GFRA1: variants seen among roughly 807,000 people sequenced by gnomAD.
The protein encoded by GFRA1 is GDNF family receptor alpha 1, also known as GDNF family receptor alpha-1.
Under a neutral mutation model 51.6 loss-of-function variants are expected in GFRA1, and 16 were observed. That is an observed-to-expected ratio of 0.31 (90% CI 0.21 to 0.47). The LOEUF (loss-of-function observed/expected upper bound fraction) is 0.47, where lower values mean the gene tolerates loss of function less well. Among genes scored for constraint, GFRA1 ranks in the 20% least tolerant of loss-of-function variants. The pLI is 1.00. For missense variants in GFRA1, 530 were observed against 594.3 expected, an observed-to-expected ratio of 0.89 and a Z score of 1.13; for synonymous variants, 270 against 241.3, an observed-to-expected ratio of 1.12 and a Z score of -1.10.
chr10:116,157,648 T>C (rs746203069), intron 5 of GFRA1, among the ~76,000 whole-genome samples: 6 of 152,310 alleles, frequency 3.9e-5, no homozygotes, highest in Middle Eastern at 3.4e-3. Context: ...TCTCCTCCCA[T>C]GAGACTCCTC....
At chr10:116,169,003 T>C (rs1960767620) in intron 5 of GFRA1, among the ~76,000 whole-genome samples, 1 of 152,224 alleles carries the variant, frequency 6.6e-6, no homozygotes, top group Non-Finnish European at 1.5e-5. Flanking sequence ...TAAGTATACC[T>C]TGCCCCTGGG....
chr10:116,184,396 C>T (rs1466395920), intron 5 of GFRA1, among the ~76,000 whole-genome samples: 5 of 152,146 alleles, frequency 3.3e-5, no homozygotes, highest in African/African-American at 1.2e-4. Context: ...GCCCACATGC[C>T]AGCATCCATC....
rs979059024 is a variant in GFRA1, at chr10:116,272,856, C to G, written c.-247+307G>C. The G allele has an allele frequency of 2.0e-5, 3 of 152,490 alleles. No homozygotes were observed. The highest frequency in any genetic ancestry group is 7.2e-5 in the African/African-American group (3 of 41,468). The allele number at this position is 152,490 out of a possible 1,614,324, so 9.4% of individuals were successfully genotyped here. A position where few individuals can be genotyped will look rare whatever the true frequency, so the allele number is the denominator to read the frequency against. The stretch of plus-strand genomic sequence containing the variant: ...GGGGCTGAAACCCGGTTCCTGCGCC[C>G]CTACCCCCTACCCGCCGCGCGTCCT... On this transcript the variant is annotated intron_variant, in intron 1 of 10. Coordinates refer to ENST00000355422, the MANE Select transcript of GFRA1 (RefSeq NM_005264.8). The surrounding 1 kb of genome is among the most constrained non-coding windows in gnomAD (Gnocchi z 4.4).
intron 6 of GFRA1, among the ~76,000 whole-genome samples, chr10:116,120,662 G>C (rs1328619662): frequency 6.6e-6 from 1 of 152,232 alleles, no homozygotes; most frequent in Non-Finnish European, 1.5e-5. Context: ...AAAACGTAGA[G>C]CGTGGACTAC....
chr10:116,181,284 T>TG (rs1424780503), intron 5 of GFRA1, among the ~76,000 whole-genome samples: 1 of 152,110 alleles, frequency 6.6e-6, no homozygotes, highest in Non-Finnish European at 1.5e-5. Context: ...AATGAGAGAA[T>TG]GGGGCAAGGA....
intron 5 of GFRA1, among the ~76,000 whole-genome samples, chr10:116,200,546 A>G (rs1167953518): frequency 6.6e-6 from 1 of 152,250 alleles, no homozygotes; most frequent in Non-Finnish European, 1.5e-5. Context: ...TGAAACCACA[A>G]AGATTTATTT....
chr10:116,232,984 C>T (rs1376332841), intron 4 of GFRA1, among the ~76,000 whole-genome samples: 1 of 152,086 alleles, frequency 6.6e-6, no homozygotes, highest in Non-Finnish European at 1.5e-5. Context: ...AAGTGCAGGC[C>T]TAAATCAGGA....
chr10:116,164,220 G>A (rs1960137761), intron 5 of GFRA1, among the ~76,000 whole-genome samples: 1 of 151,884 alleles, frequency 6.6e-6, no homozygotes, highest in Non-Finnish European at 1.5e-5. Flanking sequence ...ATTGCTGGAT[G>A]TTTGAATGTT....
intron 5 of GFRA1, among the ~76,000 whole-genome samples, chr10:116,196,760 TTA>T (rs71010068): frequency 0.37 from 30,065 of 80,248 alleles, 7,644 homozygotes; most frequent in Middle Eastern, 0.54. Flanking sequence ...ATATTATATA[TTA>T]TATATATAAT....
chr10:116,128,723 C>T (rs557587711), intron 5 of GFRA1, among the ~76,000 whole-genome samples: 1,345 of 65,584 alleles, frequency 0.021, 30 homozygotes, highest in African/African-American at 0.1. Flanking sequence ...GAGACTCTGT[C>T]TCAAAAAAAA....
At chr10:116,195,173 C>T (rs1029352329) in intron 5 of GFRA1, among the ~76,000 whole-genome samples, 1 of 152,122 alleles carries the variant, frequency 6.6e-6, no homozygotes, top group African/African-American at 2.4e-5. Flanking sequence ...ATAGAAAAAC[C>T]TCCCCCATTG....
At chr10:116,103,554 A>G (rs1956895131) in intron 6 of GFRA1, among the ~76,000 whole-genome samples, 1 of 152,244 alleles carries the variant, frequency 6.6e-6, no homozygotes, top group Non-Finnish European at 1.5e-5. Flanking sequence ...AAATAAAGGC[A>G]CTTTAAGAAA....
At chr10:116,099,243 T>C (rs558376976) in intron 6 of GFRA1, among the ~76,000 whole-genome samples, 106 of 152,310 alleles carry the variant, frequency 7.0e-4, no homozygotes, top group Non-Finnish European at 1.2e-3. Flanking sequence ...CAGTGGTAGT[T>C]TGAAAGTGGC....
At chr10:116,254,416 A>G (rs907035396) in intron 4 of GFRA1, among the ~76,000 whole-genome samples, 2 of 151,878 alleles carry the variant, frequency 1.3e-5, no homozygotes, top group Non-Finnish European at 2.9e-5. Flanking sequence ...TTATGCCTAT[A>G]ATCCCAACAC....
chr10:116,159,224 C>T (rs1386779838), intron 5 of GFRA1, among the ~76,000 whole-genome samples: 2 of 152,156 alleles, frequency 1.3e-5, no homozygotes, highest in Admixed American at 6.5e-5. Context: ...TCTGACCCTA[C>T]CTCTCTGAGG....
At chr10:116,144,742 CT>C (rs1958721248) in intron 5 of GFRA1, among the ~76,000 whole-genome samples, 1 of 151,946 alleles carries the variant, frequency 6.6e-6, no homozygotes, top group Non-Finnish European at 1.5e-5. Context: ...AATGTTAAAA[CT>C]TTTAGAAGAA....
At chr10:116,081,464 A>G (rs1404890514) in intron 9 of GFRA1, among the ~76,000 whole-genome samples, 1 of 152,234 alleles carries the variant, frequency 6.6e-6, no homozygotes, top group Non-Finnish European at 1.5e-5. Context: ...CGCAATGTTT[A>G]AAGTGCTCTG....
intron 5 of GFRA1, among the ~76,000 whole-genome samples, chr10:116,166,341 A>T (rs1960399001): frequency 6.6e-6 from 1 of 152,068 alleles, no homozygotes; most frequent in Non-Finnish European, 1.5e-5. Flanking sequence ...GTCAAATGGT[A>T]TTTTTGTCTT....
intron 4 of GFRA1, among the ~76,000 whole-genome samples, chr10:116,218,705 A>T (rs1403001278): frequency 6.6e-6 from 1 of 152,186 alleles, no homozygotes. Context: ...AACTGAACAG[A>T]GCCCCGGTGA....
Sources: allele counts gnomAD v4.1 joint callset (sites outside exome capture counted in the v4.1 genomes callset), GRCh38; gene constraint gnomAD v4.1.1; non-coding constraint Gnocchi (gnomAD v3.1); transcripts MANE v1.5; gene names NCBI Gene and HGNC (gene_info 2026-07-23, HGNC 2026-07-21).